Variants in PHF14 observed in about 807,000 individuals in gnomAD.
The protein encoded by PHF14 is PHD finger protein 14.
In PHF14, 55 loss-of-function variants were observed where a neutral mutation model predicts 117.9. That is an observed-to-expected ratio of 0.47 (90% CI 0.38 to 0.58). The LOEUF (loss-of-function observed/expected upper bound fraction) is 0.58, where lower values mean the gene tolerates loss of function less well. Among genes scored for constraint, PHF14 ranks in the 20% least tolerant of loss-of-function variants. PHF14 has a pLI of 0.00. For synonymous variants in PHF14, 409 were observed against 368.6 expected (o/e 1.11, Z -1.26); for missense variants, 978 against 1,122.2 (o/e 0.87, Z 1.84).
At chr7:11,075,729 A>G (rs1256000385) in intron 16 of PHF14, among the ~76,000 whole-genome samples, 1 of 152,128 alleles carries the variant, frequency 6.6e-6, no homozygotes, top group Non-Finnish European at 1.5e-5. Context: ...TGTATCAGGT[A>G]TCTTATATAC....
At chr7:11,036,901 A>C (rs918158090) in intron 9 of PHF14, 84 bp from the exon 10 acceptor site, 2 of 1,002,174 alleles carry the variant, frequency 2.0e-6, no homozygotes, top group Non-Finnish European at 3.0e-6. Flanking sequence ...TAGGTTTATC[A>C]ATGTGATCAT....
intron 17 of PHF14, among the ~76,000 whole-genome samples, chr7:11,142,988 T>C (rs1383399792): frequency 1.3e-5 from 2 of 152,172 alleles, no homozygotes; most frequent in Non-Finnish European, 2.9e-5. Flanking sequence ...TACAGTGAAA[T>C]GTTTGCATAG....
chr7:11,116,573 A>G (rs1332273208), intron 17 of PHF14, among the ~76,000 whole-genome samples: 2 of 151,936 alleles, frequency 1.3e-5, no homozygotes, highest in Non-Finnish European at 2.9e-5. Context: ...ATACTCTTGT[A>G]TCATTACTCT....
intron 16 of PHF14, among the ~76,000 whole-genome samples, chr7:11,080,951 T>G (rs141884674): frequency 5.9e-5 from 9 of 152,286 alleles, no homozygotes; most frequent in African/African-American, 2.2e-4. Flanking sequence ...TGCTGGTGAT[T>G]TGGCCTAAGG....
At chr7:11,007,267 T>G (rs1016064411) in intron 4 of PHF14, among the ~76,000 whole-genome samples, 1 of 152,174 alleles carries the variant, frequency 6.6e-6, no homozygotes, top group African/African-American at 2.4e-5. Flanking sequence ...ATTGGAATTC[T>G]TTTTTTAATG....
At chr7:11,026,340 T>C (rs1440925363) in intron 6 of PHF14, among the ~76,000 whole-genome samples, 1 of 152,254 alleles carries the variant, frequency 6.6e-6, no homozygotes, top group Non-Finnish European at 1.5e-5. Flanking sequence ...ATGCATTTAA[T>C]AGACTACAGA....
chr7:11,046,427 T>C (rs1308551447), intron 13 of PHF14, among the ~76,000 whole-genome samples: 1 of 152,220 alleles, frequency 6.6e-6, no homozygotes, highest in Non-Finnish European at 1.5e-5. Flanking sequence ...TATATCCTTT[T>C]ATTCCTTGGA....
chr7:11,116,576 A>G lies in PHF14; in HGVS notation c.2772+5109A>G, dbSNP rs1052515687. On this transcript the variant is annotated intron_variant, in intron 17 of 17. Coordinates refer to ENST00000634607, the MANE Select transcript of PHF14 (RefSeq NM_001007157.2). ...TTTCCTTAATGTATACTCTTGTATC[A>G]TTACTCTCCTGATATGAAACCAATC... Among the ~76,000 whole-genome samples the G allele has an allele frequency of 4.0e-5, 6 of 151,884 alleles. No individual in the cohort carries two copies. The East Asian group carries it at 7.7e-4, about 20-fold the overall frequency.
At chr7:11,036,267 A>T (rs922613523) in intron 8 of PHF14, 151 bp from the exon 9 acceptor site, 1 of 645,194 alleles carries the variant, frequency 1.5e-6, no homozygotes, top group African/African-American at 1.8e-5. Flanking sequence ...TATACAGTAT[A>T]CCTTAAGGAT....
intron 5 of PHF14, among the ~76,000 whole-genome samples, chr7:11,015,703 T>C (rs1196413262): frequency 6.6e-6 from 1 of 152,104 alleles, no homozygotes; most frequent in Non-Finnish European, 1.5e-5. Flanking sequence ...ACATAATAAG[T>C]GGTCAGTAAA....
chr7:11,111,932 A>G (rs1033473082), intron 17 of PHF14, among the ~76,000 whole-genome samples: 16 of 151,598 alleles, frequency 1.1e-4, no homozygotes, highest in African/African-American at 3.9e-4. Flanking sequence ...AATAGTTTTC[A>G]TATCCTAAAT....
At chr7:11,137,377 A>G (rs1023930902) in intron 17 of PHF14, among the ~76,000 whole-genome samples, 1 of 152,140 alleles carries the variant, frequency 6.6e-6, no homozygotes, top group Non-Finnish European at 1.5e-5. Context: ...ACAATTCCCT[A>G]GTTAAGAGTT....
At chr7:11,038,417 T>C (rs144201728) in intron 10 of PHF14, among the ~76,000 whole-genome samples, 1,769 of 125,694 alleles carry the variant, frequency 0.014, 41 homozygotes, top group East Asian at 0.11. Flanking sequence ...GGCGACAGAG[T>C]GAGACTCCAT....
At chr7:11,030,552 G>T (rs111573299) in intron 7 of PHF14, among the ~76,000 whole-genome samples, 7 of 152,090 alleles carry the variant, frequency 4.6e-5, no homozygotes, top group South Asian at 2.1e-4. Context: ...TCCGTCTAAA[G>T]GCATGCAAAT....
chr7:11,043,343 A>G (rs1784559544), intron 13 of PHF14, among the ~76,000 whole-genome samples: 1 of 151,984 alleles, frequency 6.6e-6, no homozygotes, highest in African/African-American at 2.4e-5. Context: ...AGGTTATAGT[A>G]TCTATAATGA....
At position 11,103,510 on chromosome 7, in the gene PHF14, C is replaced by T. The variant is rs761256033; in HGVS notation, c.2655-7840C>T. 9 of 984,672 alleles carry T rather than the reference C, an allele frequency of 9.1e-6. No homozygotes were observed. In the East Asian group the frequency reaches 3.4e-4, roughly 37 times the overall value. The allele number at this position is 984,672 out of a possible 1,614,324, so 61.0% of individuals were successfully genotyped here. On this transcript the variant is annotated intron_variant, in intron 16 of 17. Transcript: ENST00000634607. ...CTTTAATGATCCAGTTTTAAGTCAA[C>T]GGCAGAAGTATGTTGAATATTTCAT...
chr7:11,011,040 G>A (rs556542577), intron 4 of PHF14, among the ~76,000 whole-genome samples: 15 of 152,288 alleles, frequency 9.8e-5, no homozygotes, highest in African/African-American at 3.6e-4. Context: ...GAAGCAGCTT[G>A]TGTAAGTCAT....
intron 14 of PHF14, among the ~76,000 whole-genome samples, chr7:11,055,629 T>A (rs1583418495): frequency 6.6e-6 from 1 of 152,156 alleles, no homozygotes; most frequent in African/African-American, 2.4e-5. Flanking sequence ...TTTAAACACA[T>A]CTAATCGTTT....
At chr7:11,150,693 T>C (rs1187264855) in intron 17 of PHF14, among the ~76,000 whole-genome samples, 1 of 152,214 alleles carries the variant, frequency 6.6e-6, no homozygotes, top group East Asian at 1.9e-4. Context: ...TACAGCTTTC[T>C]AGAAATCAGC....
Sources: allele counts gnomAD v4.1 joint callset (sites outside exome capture counted in the v4.1 genomes callset), GRCh38; gene constraint gnomAD v4.1.1; transcripts MANE v1.5; gene names NCBI Gene and HGNC (gene_info 2026-07-23, HGNC 2026-07-21).